Variants in NFXL1 observed in about 807,000 individuals in gnomAD.
NFXL1 encodes the protein nuclear transcription factor, X-box binding like 1, also known as NF-X1-type zinc finger protein NFXL1.
A neutral mutation model predicts 123.3 loss-of-function variants in NFXL1; 66 were observed. The observed-to-expected ratio is 0.54, with a 90% CI of 0.44 to 0.66. NFXL1 has a LOEUF of 0.66. Among genes scored for constraint, NFXL1 ranks in the 30% least tolerant of loss-of-function variants. NFXL1 has a pLI of 0.00. For synonymous variants in NFXL1, 346 were observed against 360.8 expected (o/e 0.96, Z 0.46); for missense variants, 944 against 1,125.6 (o/e 0.84, Z 2.31).
rs1308699492 is a variant in NFXL1 at position 47,847,679 on chromosome 4, T to G, written c.*484A>C. ...AACCAATTTCTGAAATCTAATTACA[T>G]ACCTTCATGTCACAATTTAAGAGGT... On this transcript the variant is annotated 3_prime_UTR_variant, in exon 23 of 23. Transcript: ENST00000507489. 1 of 152,664 alleles carries G rather than the reference T, an allele frequency of 6.6e-6. No individual in the cohort carries two copies. The highest frequency in any genetic ancestry group is 1.5e-5 in the Non-Finnish European group (1 of 68,042). The allele number at this position is 152,664 out of a possible 1,614,324, so 9.5% of individuals were successfully genotyped here.
At chr4:47,882,233 C>T (rs1428775566) in intron 15 of NFXL1, 3 of 152,144 alleles carry the variant, frequency 2.0e-5, no homozygotes, top group African/African-American at 7.2e-5. Context: ...ACATCATTTC[C>T]CTTTCCAGGG....
intron 10 of NFXL1, among the ~76,000 whole-genome samples, chr4:47,895,495 G>A (rs1318731641): frequency 6.6e-6 from 1 of 152,158 alleles, no homozygotes; most frequent in Non-Finnish European, 1.5e-5. Context: ...ATCAACACTT[G>A]CTGTTTCACC....
At chr4:47,858,742 G>A (rs926080238) in intron 19 of NFXL1, among the ~76,000 whole-genome samples, 3 of 152,164 alleles carry the variant, frequency 2.0e-5, no homozygotes, top group African/African-American at 7.2e-5. Flanking sequence ...TAGGATAGAG[G>A]ATGGGAACTA....
At chr4:47,913,770 G>A (rs1360722789) in intron 2 of NFXL1, among the ~76,000 whole-genome samples, 199 bp downstream of exon 2, 1 of 152,228 alleles carries the variant, frequency 6.6e-6, no homozygotes, top group Non-Finnish European at 1.5e-5. Context: ...CTAAAATTAA[G>A]ATGAAAGAGG....
chr4:47,891,127 T>C (rs562007070), intron 11 of NFXL1, among the ~76,000 whole-genome samples: 3 of 151,076 alleles, frequency 2.0e-5, no homozygotes, highest in African/African-American at 7.3e-5. Context: ...TTTTTTTTTT[T>C]TCTTGAGACA....
Position 47,857,026 on chromosome 4 carries a change from C to T in NFXL1, c.2317-1863G>A, listed in dbSNP as rs189555863. 4.6e-5 allele frequency among the ~76,000 whole-genome samples: 7 copies of T among 152,250 alleles called. No homozygotes were observed. The East Asian group carries it at 1.2e-3, about 25-fold the overall frequency. ...TCTATATCCTCTTTCCTTAATTAAT[C>T]TCTAAGGTAATTACATTAGTCATTT... On this transcript the variant is annotated intron_variant, in intron 19 of 22. Transcript: ENST00000507489.
chr4:47,862,988 T>C (rs1057139141), intron 18 of NFXL1, 73 bp from the exon 19 acceptor site: 1 of 791,954 alleles, frequency 1.3e-6, no homozygotes, highest in African/African-American at 1.8e-5. Context: ...AAATAACTCA[T>C]AATTTCAAAC....
chr4:47,867,241 G>GA (rs34818239), intron 18 of NFXL1, among the ~76,000 whole-genome samples: 51,885 of 148,764 alleles, frequency 0.35, 10,041 homozygotes, highest in Non-Finnish European at 0.44. Context: ...TTGAATTCAG[G>GA]AAAAAAAAAA....
chr4:47,862,358 A>G (rs1322108117), intron 19 of NFXL1, among the ~76,000 whole-genome samples: 2 of 152,192 alleles, frequency 1.3e-5, no homozygotes. Context: ...AAAAGGCCAC[A>G]ATGAAAATGC....
At chr4:47,894,636 T>C (rs1404650515) in intron 10 of NFXL1, among the ~76,000 whole-genome samples, 2 of 151,924 alleles carry the variant, frequency 1.3e-5, no homozygotes, top group Non-Finnish European at 2.9e-5. Context: ...AACTAGATTA[T>C]CTAGTAAGCT....
In NFXL1 at chr4:47,890,582, A is replaced by G. The variant is rs183905218; in HGVS notation, c.1543+31T>C. 2.3e-4 allele frequency: 284 copies of G among 1,220,108 alleles called. 1 individual carries two copies. The Admixed American group carries it at 4.9e-3, about 21-fold the overall frequency. The allele number at this position is 1,220,108 out of a possible 1,614,324, so 75.6% of individuals were successfully genotyped here. A position where few individuals can be genotyped will look rare whatever the true frequency, so the allele number is the denominator to read the frequency against. On this transcript the variant is annotated intron_variant, in intron 12 of 22. Coordinates refer to ENST00000507489, the MANE Select transcript of NFXL1 (RefSeq NM_001278624.2). The stretch of plus-strand genomic sequence containing the variant: ...AAAAAAAACCACTACATCACTACAA[A>G]CATAAAATCATAGCTATTATTAAAG...
chr4:47,895,169 G>C (rs1019325374), intron 10 of NFXL1, among the ~76,000 whole-genome samples: 1 of 152,110 alleles, frequency 6.6e-6, no homozygotes, highest in Non-Finnish European at 1.5e-5. Flanking sequence ...GCTGTCCATA[G>C]ATGTGCTGTC....
intron 11 of NFXL1, among the ~76,000 whole-genome samples, chr4:47,892,139 C>A (rs549863771): frequency 6.6e-6 from 1 of 152,052 alleles, no homozygotes; most frequent in African/African-American, 2.4e-5. Flanking sequence ...CACTAGAAAA[C>A]CACATAAAAG....
chr4:47,906,442 G>A (rs1380224658), intron 3 of NFXL1, among the ~76,000 whole-genome samples: 4 of 151,930 alleles, frequency 2.6e-5, no homozygotes, highest in East Asian at 1.9e-4. Context: ...GAGTAAACAC[G>A]GCACTTACAA....
At chr4:47,864,684 A>G (rs1229541550) in intron 18 of NFXL1, among the ~76,000 whole-genome samples, 1 of 152,192 alleles carries the variant, frequency 6.6e-6, no homozygotes, top group East Asian at 1.9e-4. Flanking sequence ...TAGGGTACGA[A>G]AAGCTTATGA....
At chr4:47,891,527 T>C (rs903560209) in intron 11 of NFXL1, among the ~76,000 whole-genome samples, 1 of 152,132 alleles carries the variant, frequency 6.6e-6, no homozygotes, top group Non-Finnish European at 1.5e-5. Flanking sequence ...CACTTCCGTG[T>C]CTGTGAGAAA....
At chr4:47,851,773 G>C in intron 21 of NFXL1, 83 bp downstream of exon 21, 1 of 843,134 alleles carries the variant, frequency 1.2e-6, no homozygotes, top group South Asian at 1.7e-5. Flanking sequence ...GAGATTTCAA[G>C]TTGTTTTTAA....
At position 47,884,516 on chromosome 4, in the gene NFXL1, C is replaced by T. The variant is rs1471017191; in HGVS notation, c.1825-79G>A. 7 of 836,856 alleles carry T rather than the reference C, an allele frequency of 8.4e-6. No individual in the cohort carries two copies. In the East Asian group the frequency reaches 1.8e-4, roughly 21 times the overall value. The allele number at this position is 836,856 out of a possible 1,614,324, so 51.8% of individuals were successfully genotyped here. A position where few individuals can be genotyped will look rare whatever the true frequency, so the allele number is the denominator to read the frequency against. On this transcript the variant is annotated intron_variant, in intron 14 of 22. Transcript: ENST00000507489. ...ATTTTAAGAATCTAAGAAAATAGTTCCATGTATCCTCTGCTCAAGCAGGTT... is the reference window on the plus strand; with the variant it reads ...ATTTTAAGAATCTAAGAAAATAGTTTCATGTATCCTCTGCTCAAGCAGGTT...
At chr4:47,888,860 A>G (rs1736608277) in intron 12 of NFXL1, among the ~76,000 whole-genome samples, 1 of 152,224 alleles carries the variant, frequency 6.6e-6, no homozygotes, top group Admixed American at 6.5e-5. Context: ...ACTGATGTAA[A>G]AAATGAAGTT....
Sources: gnomAD v4.1 joint callset for allele counts (sites outside exome capture counted in the v4.1 genomes callset) on GRCh38, gnomAD v4.1.1 for gene constraint, MANE v1.5 for transcripts, NCBI Gene and HGNC (gene_info 2026-07-23, HGNC 2026-07-21) for gene names.